RBFOX1: variants seen among roughly 807,000 people sequenced by gnomAD.
RBFOX1 encodes RNA binding protein fox-1 homolog 1.
A neutral mutation model predicts 57.7 loss-of-function variants in RBFOX1; 8 were observed. The observed-to-expected ratio is 0.14, with a 90% CI of 0.08 to 0.25. The LOEUF is 0.25. Ranked by LOEUF, RBFOX1 falls within the 10% of genes least tolerant of loss-of-function variation. The pLI is 1.00. For synonymous variants in RBFOX1, 326 were observed against 222.4 expected, an observed-to-expected ratio of 1.47 and a Z score of -4.15; for missense variants, 611 against 548.5, an observed-to-expected ratio of 1.11 and a Z score of -1.14.
intron 4 of RBFOX1, among the ~76,000 whole-genome samples, chr16:5,993,409 G>T (rs992342410): frequency 6.6e-6 from 1 of 151,736 alleles, no homozygotes; most frequent in East Asian, 1.9e-4. Flanking sequence ...CAGAGAGAGA[G>T]AGAGAGAGAG....
rs373835280 is a variant in RBFOX1, at chr16:6,445,836, C to T, written c.-64+128779C>T. On this transcript the variant is annotated intron_variant, in intron 2 of 15. Coordinates refer to ENST00000550418, the MANE Select transcript of RBFOX1 (RefSeq NM_018723.4). Reference sequence around the variant, plus strand: ...GACCTCGTGATCTGCCCTCCTCAGCCTCCCAAAGTGCTGGGATTACTGGCG... The same window carrying T: ...GACCTCGTGATCTGCCCTCCTCAGCTTCCCAAAGTGCTGGGATTACTGGCG... 3.0e-4 allele frequency among the ~76,000 whole-genome samples: 45 copies of T among 152,300 alleles called. 1 individual carries two copies. The East Asian group carries it at 7.7e-3, about 26-fold the overall frequency.
chr16:6,914,561 AAT>A (rs1491053241), intron 3 of RBFOX1, among the ~76,000 whole-genome samples: 2 of 136,152 alleles, frequency 1.5e-5, no homozygotes, highest in Non-Finnish European at 3.1e-5. Context: ...AGAAAACAAA[AAT>A]AAAAAAAAAA....
chr16:5,665,978 G>C (rs926266033), intron 3 of RBFOX1, among the ~76,000 whole-genome samples: 1 of 152,214 alleles, frequency 6.6e-6, no homozygotes, highest in East Asian at 1.9e-4. Context: ...GGGTGAATGG[G>C]ATAATCAGGC....
At chr16:7,257,962 C>T (rs534491281) in intron 4 of RBFOX1, among the ~76,000 whole-genome samples, 1 of 152,192 alleles carries the variant, frequency 6.6e-6, no homozygotes, top group South Asian at 2.1e-4. Context: ...GAAAGCTGAA[C>T]AGAGCCTAAT....
At chr16:5,538,616 CTTCT>C (rs1192256659) in intron 2 of RBFOX1, among the ~76,000 whole-genome samples, 1 of 114,036 alleles carries the variant, frequency 8.8e-6, no homozygotes, top group Non-Finnish European at 1.7e-5. Context: ...GGCTTTATTT[CTTCT>C]TTTTTTTTTT....
At chr16:7,664,017 A>G (rs905828704) in intron 12 of RBFOX1, among the ~76,000 whole-genome samples, 1 of 152,160 alleles carries the variant, frequency 6.6e-6, no homozygotes, top group Non-Finnish European at 1.5e-5. Flanking sequence ...ATGGGTGGCA[A>G]TCAGAGAGCT....
At chr16:6,656,660 G>C (rs2098655350) in intron 3 of RBFOX1, among the ~76,000 whole-genome samples, 1 of 151,380 alleles carries the variant, frequency 6.6e-6, no homozygotes, top group African/African-American at 2.4e-5. Flanking sequence ...TTGTTGGATT[G>C]AGTCAATAAT....
intron 1 of RBFOX1, among the ~76,000 whole-genome samples, chr16:6,254,257 C>G (rs1218634434): frequency 2.0e-5 from 3 of 152,136 alleles, no homozygotes; most frequent in African/African-American, 7.2e-5. Context: ...GTGAACTAAA[C>G]AGATGTATTC....
intron 2 of RBFOX1, among the ~76,000 whole-genome samples, chr16:6,402,906 A>G (rs539299236): frequency 6.6e-6 from 1 of 152,322 alleles, no homozygotes; most frequent in South Asian, 2.1e-4. Context: ...TGAAATATAA[A>G]CACTAATCAA....
chr16:5,357,024 A>G (rs2065407988), intron 1 of RBFOX1, among the ~76,000 whole-genome samples: 1 of 152,208 alleles, frequency 6.6e-6, no homozygotes, highest in South Asian at 2.1e-4. Context: ...ATGGAGGCTT[A>G]CAGAGTTTAA....
chr16:7,699,440 C>G (rs1442333218), intron 14 of RBFOX1, among the ~76,000 whole-genome samples: 1 of 152,178 alleles, frequency 6.6e-6, no homozygotes, highest in Non-Finnish European at 1.5e-5. Flanking sequence ...CATCCTGCCC[C>G]TTTGGCCTAC....
At chr16:5,819,591 A>T (rs1039035086) in intron 3 of RBFOX1, among the ~76,000 whole-genome samples, 1 of 152,094 alleles carries the variant, frequency 6.6e-6, no homozygotes, top group African/African-American at 2.4e-5. Context: ...ATCTTCTGCC[A>T]TTTACCTCTT....
intron 3 of RBFOX1, among the ~76,000 whole-genome samples, chr16:6,859,127 A>ATATATATATATATG (rs1555536694): frequency 4.4e-5 from 3 of 67,914 alleles, no homozygotes; most frequent in African/African-American, 2.0e-4. Context: ...ATATATATAT[A>ATATATATATATATG]TACATATATA....
intron 2 of RBFOX1, among the ~76,000 whole-genome samples, chr16:6,367,357 G>C (rs985250806): frequency 2.0e-5 from 3 of 152,084 alleles, no homozygotes; most frequent in African/African-American, 7.2e-5. Flanking sequence ...TGCAACCTCT[G>C]CCTCCCGGGT....
intron 1 of RBFOX1, among the ~76,000 whole-genome samples, chr16:5,379,541 C>G (rs1172943517): frequency 2.0e-5 from 3 of 152,156 alleles, no homozygotes; most frequent in African/African-American, 7.2e-5. Context: ...AGCACAGTAG[C>G]CTGGGAGTCA....
At chr16:5,363,885 G>T (rs1028151662) in intron 1 of RBFOX1, among the ~76,000 whole-genome samples, 2 of 152,160 alleles carry the variant, frequency 1.3e-5, no homozygotes, top group Non-Finnish European at 2.9e-5. Context: ...CTAGGCGTTT[G>T]CCCTGGTGGA....
At position 5,859,132 on chromosome 16, in the gene RBFOX1, G is replaced by C. The variant is rs147458945; in HGVS notation, c.319-8171G>C. Among the ~76,000 whole-genome samples, 1,267 of 152,280 alleles carry C rather than the reference G, an allele frequency of 8.3e-3. 13 individuals are homozygous for C. The highest frequency in any genetic ancestry group is 0.029 in the African/African-American group (1,191 of 41,550). ...AGGCATAAGAATTGCTTGAACCTGG[G>C]AGGTGGAGGTTACAGTGAGCCGAGA... On this transcript the variant is annotated intron_variant, in intron 3 of 19. Coordinates refer to the RBFOX1 transcript ENST00000641259.
intron 2 of RBFOX1, among the ~76,000 whole-genome samples, chr16:6,560,735 C>G (rs1400226189): frequency 6.6e-6 from 1 of 152,164 alleles, no homozygotes; most frequent in African/African-American, 2.4e-5. Flanking sequence ...CAGTTTATAG[C>G]TGTGTACTTG....
chr16:5,374,036 C>A (rs1028442387), intron 1 of RBFOX1, among the ~76,000 whole-genome samples: 1 of 152,202 alleles, frequency 6.6e-6, no homozygotes, highest in African/African-American at 2.4e-5. Flanking sequence ...TCCTGCCTCA[C>A]CCTCCTGAGT....
Sources: gnomAD v4.1 joint callset for allele counts (sites outside exome capture counted in the v4.1 genomes callset) on GRCh38, gnomAD v4.1.1 for gene constraint, MANE v1.5 for transcripts, NCBI Gene and HGNC (gene_info 2026-07-23, HGNC 2026-07-21) for gene names.